LYPLAL1: variants seen among roughly 807,000 people sequenced by gnomAD.
The protein encoded by LYPLAL1 is lysophospholipase-like protein 1.
In LYPLAL1, 23 loss-of-function variants were observed where a neutral mutation model predicts 19.7. The ratio of observed to expected loss-of-function variants is 1.17; its 90% CI spans 0.84 to 1.65. The LOEUF (loss-of-function observed/expected upper bound fraction) is 1.65, where lower values mean the gene tolerates loss of function less well. LYPLAL1 is among the 40% of genes most tolerant of loss of function. The pLI, the probability that LYPLAL1 is intolerant of heterozygous loss-of-function variation, is 0.00. For missense variants in LYPLAL1, 355 were observed against 279.4 expected, an observed-to-expected ratio of 1.27 and a Z score of -1.93; for synonymous variants, 119 against 96.3, an observed-to-expected ratio of 1.24 and a Z score of -1.38.
chr1:219,418,499 C>T, the LYPLAL1 span, among the ~76,000 whole-genome samples: 12 of 152,172 alleles, frequency 7.9e-5, no homozygotes, highest in African/African-American at 2.7e-4. Context: ...TTTTTTAGAG[C>T]AGTGTTGGGT....
chr1:219,194,407 AGT>A (rs1657441634), intron 3 of LYPLAL1, among the ~76,000 whole-genome samples: 1 of 151,974 alleles, frequency 6.6e-6, no homozygotes, highest in South Asian at 2.1e-4. Flanking sequence ...ATCTTTAGCA[AGT>A]ATTTTTTAAG....
the LYPLAL1 span, among the ~76,000 whole-genome samples, chr1:219,288,648 T>G: frequency 3.2e-3 from 491 of 152,306 alleles, 5 homozygotes; most frequent in African/African-American, 0.011. Context: ...AGGGAAACTA[T>G]GGACTTTGGG....
the LYPLAL1 span, among the ~76,000 whole-genome samples, chr1:219,428,751 G>A: frequency 0.39 from 59,999 of 151,928 alleles, 12,230 homozygotes; most frequent in Non-Finnish European, 0.44. Flanking sequence ...TTTTTCAAAC[G>A]CATTTTTCAA....
chr1:219,178,342 T>C (rs1314293829), intron 1 of LYPLAL1, among the ~76,000 whole-genome samples: 2 of 152,198 alleles, frequency 1.3e-5, no homozygotes, highest in Non-Finnish European at 2.9e-5. Context: ...TCCATGAGAA[T>C]AGGGACTCTA....
At chr1:219,296,832 A>G in the LYPLAL1 span, among the ~76,000 whole-genome samples, 37 of 152,294 alleles carry the variant, frequency 2.4e-4, no homozygotes, top group African/African-American at 8.7e-4. Flanking sequence ...CTGTTCCTAC[A>G]GATAGTTTAT....
chr1:219,255,477 T>G, the LYPLAL1 span, among the ~76,000 whole-genome samples: 12 of 151,998 alleles, frequency 7.9e-5, no homozygotes, highest in Non-Finnish European at 1.5e-4. Flanking sequence ...CTAAATTCAC[T>G]TATTAATTCT....
chr1:219,182,686 TTC>T (rs1004770602), intron 2 of LYPLAL1, among the ~76,000 whole-genome samples: 1 of 152,156 alleles, frequency 6.6e-6, no homozygotes, highest in African/African-American at 2.4e-5. Flanking sequence ...CTGGTATTTA[TTC>T]TCTCTCCTGA....
Position 219,173,892 on chromosome 1 carries a change from T to TGGC in LYPLAL1, c.6_8dup (p.Ala4dup). ...GCATGACTGGCAGTGGCATCAGCGA[T>TGGC]GGCGGCTGCGTCGGGGTCGGTTCTG... On this transcript the variant is annotated inframe_insertion, in exon 1 of 5. Coordinates refer to ENST00000366928, the MANE Select transcript of LYPLAL1 (RefSeq NM_138794.5). 2 of 1,612,506 alleles carry TGGC rather than the reference T, an allele frequency of 1.2e-6. No homozygotes were observed. Among genetic ancestry groups the TGGC allele is most frequent in the Non-Finnish European group, 1.7e-6 (2 of 1,179,862 alleles).
At chr1:219,347,318 A>G in the LYPLAL1 span, among the ~76,000 whole-genome samples, 9 of 149,866 alleles carry the variant, frequency 6.0e-5, no homozygotes, top group African/African-American at 2.2e-4. Flanking sequence ...AATGTTGATC[A>G]GTGTTCTCCC....
At chr1:219,401,966 A>G in the LYPLAL1 span, among the ~76,000 whole-genome samples, 2 of 152,194 alleles carry the variant, frequency 1.3e-5, no homozygotes, top group Non-Finnish European at 2.9e-5. Flanking sequence ...ACATGATTAT[A>G]TAAGTATGTT....
At chr1:219,311,534 G>GT in the LYPLAL1 span, among the ~76,000 whole-genome samples, 108,704 of 144,910 alleles carry the variant, frequency 0.75, 40,991 homozygotes, top group East Asian at 0.96. Context: ...TGTTGTAGGT[G>GT]TTTTTTTTTT....
At chr1:219,198,898 A>T (rs1657835310) in intron 3 of LYPLAL1, 1 of 152,190 alleles carries the variant, frequency 6.6e-6, no homozygotes, top group Admixed American at 6.5e-5. Flanking sequence ...TTCATCAAAT[A>T]CAGAGGTTGT....
the LYPLAL1 span, among the ~76,000 whole-genome samples, chr1:219,314,813 C>T: frequency 1.1e-4 from 17 of 152,282 alleles, 1 homozygote; most frequent in East Asian, 5.8e-4. Flanking sequence ...GATCCATTAA[C>T]GCAAAGATTT....
At chr1:219,181,027 G>A (rs1291551041) in intron 2 of LYPLAL1, among the ~76,000 whole-genome samples, 1 of 152,036 alleles carries the variant, frequency 6.6e-6, no homozygotes, top group Non-Finnish European at 1.5e-5. Flanking sequence ...TGTAATATGA[G>A]CTACATATAA....
At chr1:219,383,787 C>G in the LYPLAL1 span, among the ~76,000 whole-genome samples, 2 of 152,194 alleles carry the variant, frequency 1.3e-5, no homozygotes, top group Non-Finnish European at 2.9e-5. Context: ...GAGATTCTCT[C>G]TCTTTGGCAG....
At chr1:219,268,233 A>G in the LYPLAL1 span, among the ~76,000 whole-genome samples, 1 of 152,048 alleles carries the variant, frequency 6.6e-6, no homozygotes. Context: ...TAAGAAGACA[A>G]TAGAGAAGTG....
At chr1:219,405,010 T>G in the LYPLAL1 span, among the ~76,000 whole-genome samples, 1 of 152,198 alleles carries the variant, frequency 6.6e-6, no homozygotes, top group Non-Finnish European at 1.5e-5. Context: ...GATAGTAACT[T>G]TCACCTTTTA....
At chr1:219,179,681 A>T (rs1295589346) in intron 2 of LYPLAL1, among the ~76,000 whole-genome samples, 1 of 152,242 alleles carries the variant, frequency 6.6e-6, no homozygotes, top group Non-Finnish European at 1.5e-5. Flanking sequence ...TAAAAGGATT[A>T]TCAAGAAACA....
the LYPLAL1 span, among the ~76,000 whole-genome samples, chr1:219,414,496 G>C: frequency 6.6e-6 from 1 of 152,150 alleles, no homozygotes; most frequent in Admixed American, 6.5e-5. Context: ...CCTTAGTTTA[G>C]TCAACTGTAA....
Sources: gnomAD v4.1 joint callset for allele counts (sites outside exome capture counted in the v4.1 genomes callset) on GRCh38, gnomAD v4.1.1 for gene constraint, MANE v1.5 for transcripts, NCBI Gene and HGNC (gene_info 2026-07-23, HGNC 2026-07-21) for gene names.